The following SLC5A4 variants were observed in gnomAD, a reference collection of about 807,000 sequenced individuals.
SLC5A4 encodes the protein probable glucose sensor protein SLC5A4.
SLC5A4 carries 55 observed loss-of-function variants against 70.3 expected under a neutral mutation model. That is an observed-to-expected ratio of 0.78 (90% CI 0.63 to 0.98). SLC5A4 has a LOEUF of 0.98. Among genes scored for constraint, SLC5A4 ranks in the 50% least tolerant of loss-of-function variants. The pLI, the probability that SLC5A4 is intolerant of heterozygous loss-of-function variation, is 0.00. For synonymous variants in SLC5A4, 268 were observed against 305.7 expected, an observed-to-expected ratio of 0.88 and a Z score of 1.29; for missense variants, 735 against 839.2, an observed-to-expected ratio of 0.88 and a Z score of 1.53.
chr22:32,246,971 T>C (rs1926867518), intron 5 of SLC5A4, among the ~76,000 whole-genome samples: 1 of 152,334 alleles, frequency 6.6e-6, no homozygotes, highest in Middle Eastern at 3.4e-3. Flanking sequence ...GTACTTTCCT[T>C]GTGGTTCACG....
chr22:32,266,767 T>G, the SLC5A4 span, among the ~76,000 whole-genome samples: 1 of 152,242 alleles, frequency 6.6e-6, no homozygotes, highest in Non-Finnish European at 1.5e-5. Flanking sequence ...TTAACGCATA[T>G]TTTGCATATG....
chr22:32,236,940 G>A (rs924560415), intron 7 of SLC5A4, among the ~76,000 whole-genome samples: 3 of 151,928 alleles, frequency 2.0e-5, no homozygotes, highest in Non-Finnish European at 2.9e-5. Flanking sequence ...TCCTGACCTC[G>A]TGATCCACCC....
the SLC5A4 span, among the ~76,000 whole-genome samples, chr22:32,274,493 C>T: frequency 6.6e-6 from 1 of 152,054 alleles, no homozygotes; most frequent in Non-Finnish European, 1.5e-5. Flanking sequence ...GGCCCACTTA[C>T]ACTCTACTGA....
intron 5 of SLC5A4, among the ~76,000 whole-genome samples, chr22:32,243,494 A>G (rs988966773): frequency 6.6e-6 from 1 of 152,192 alleles, no homozygotes; most frequent in Non-Finnish European, 1.5e-5. Context: ...ACTTGAGTTG[A>G]TAATTCCAAT....
chr22:32,332,097 C>T, the SLC5A4 span, among the ~76,000 whole-genome samples: 6 of 152,156 alleles, frequency 3.9e-5, no homozygotes, highest in African/African-American at 1.4e-4. Context: ...TCCCCACCAC[C>T]ACCCTCGGCC....
At chr22:32,312,359 G>A in the SLC5A4 span, among the ~76,000 whole-genome samples, 29 of 79,888 alleles carry the variant, frequency 3.6e-4, no homozygotes, top group Non-Finnish European at 3.8e-4. Flanking sequence ...AATCACACGC[G>A]CGCGCGCACA....
the SLC5A4 span, among the ~76,000 whole-genome samples, chr22:32,334,728 G>A: frequency 6.6e-6 from 1 of 152,200 alleles, no homozygotes; most frequent in Non-Finnish European, 1.5e-5. Flanking sequence ...ATTGAATCAT[G>A]GCTTTGGGGA....
chr22:32,326,964 C>T, the SLC5A4 span, among the ~76,000 whole-genome samples: 8 of 152,318 alleles, frequency 5.3e-5, no homozygotes, highest in East Asian at 1.5e-3. Context: ...ACCCCCGCAG[C>T]CTCCAGCAGG....
chr22:32,330,842 TG>T, the SLC5A4 span, among the ~76,000 whole-genome samples: 9 of 88,766 alleles, frequency 1.0e-4, no homozygotes, highest in Non-Finnish European at 8.8e-5. Flanking sequence ...GTGTGTGTGT[TG>T]GGGGCTCTGG....
chr22:32,271,475 C>T, the SLC5A4 span: 2 of 744,130 alleles, frequency 2.7e-6, no homozygotes, highest in South Asian at 2.8e-5. Flanking sequence ...TCAAAGTCCA[C>T]TTTAAGAAGG....
chr22:32,341,914 T>TA, the SLC5A4 span, among the ~76,000 whole-genome samples: 1 of 152,220 alleles, frequency 6.6e-6, no homozygotes, highest in Non-Finnish European at 1.5e-5. Flanking sequence ...TGCCTCTCGT[T>TA]AGAGAGATCT....
intron 6 of SLC5A4, among the ~76,000 whole-genome samples, chr22:32,237,872 G>A (rs1926154374): frequency 6.6e-6 from 1 of 152,108 alleles, no homozygotes; most frequent in African/African-American, 2.4e-5. Flanking sequence ...CCTGCAACAA[G>A]ATATTCCCTT....
At chr22:32,352,132 C>A in the SLC5A4 span, among the ~76,000 whole-genome samples, 1 of 151,932 alleles carries the variant, frequency 6.6e-6, no homozygotes, top group African/African-American at 2.4e-5. Context: ...ATGGATGAAG[C>A]TGGAAACCAT....
chr22:32,316,885 C>A, the SLC5A4 span, among the ~76,000 whole-genome samples: 2 of 151,062 alleles, frequency 1.3e-5, no homozygotes, highest in African/African-American at 4.9e-5. Context: ...ATGCAGTTGG[C>A]AAAAACAAAA....
Position 32,254,224 on chromosome 22 carries a change from G to C in SLC5A4, c.136-11C>G. 2 of 1,609,562 alleles carry C rather than the reference G, an allele frequency of 1.2e-6. No individual in the cohort carries two copies. The highest frequency in any genetic ancestry group is 1.7e-6 in the Non-Finnish European group (2 of 1,175,952). ...GGTCTTCAGCATCGCCTGAGCAGAA[G>C]GGAAGACAGGTGAGGGTCAAGCCCC... On this transcript the variant is annotated splice_polypyrimidine_tract_variant and intron_variant, in intron 1 of 14. Transcript: ENST00000266086.
the SLC5A4 span, among the ~76,000 whole-genome samples, chr22:32,326,184 C>T: frequency 2.6e-5 from 4 of 152,124 alleles, no homozygotes; most frequent in Non-Finnish European, 5.9e-5. Context: ...GAACTGGAGA[C>T]AATGTGTTCC....
At chr22:32,313,900 T>C in the SLC5A4 span, among the ~76,000 whole-genome samples, 5 of 152,186 alleles carry the variant, frequency 3.3e-5, no homozygotes, top group African/African-American at 9.7e-5. Flanking sequence ...AGGGAGAAAC[T>C]GGGTTCTGGT....
chr22:32,242,561 T>A (rs949797677), intron 5 of SLC5A4, among the ~76,000 whole-genome samples: 7 of 152,022 alleles, frequency 4.6e-5, no homozygotes, highest in African/African-American at 1.4e-4. Flanking sequence ...TACAAAAAAT[T>A]AGCCAGGTAT....
intron 12 of SLC5A4, 35 bp downstream of exon 12, chr22:32,225,620 C>T: frequency 1.4e-6 from 2 of 1,472,300 alleles, no homozygotes; most frequent in South Asian, 2.5e-5. Flanking sequence ...TTTTCTCACT[C>T]CAGCAGGGAA....
Sources: gnomAD v4.1 joint callset for allele counts (sites outside exome capture counted in the v4.1 genomes callset) on GRCh38, gnomAD v4.1.1 for gene constraint, MANE v1.5 for transcripts, NCBI Gene and HGNC (gene_info 2026-07-23, HGNC 2026-07-21) for gene names.